DLGAP2: variants seen among roughly 807,000 people sequenced by gnomAD.
DLGAP2 encodes the protein disks large-associated protein 2.
Under a neutral mutation model 100.3 loss-of-function variants are expected in DLGAP2, and 26 were observed. The ratio of observed to expected loss-of-function variants is 0.26; its 90% CI spans 0.19 to 0.36. The LOEUF is 0.36. Ranked by LOEUF, DLGAP2 falls within the 10% of genes least tolerant of loss-of-function variation. DLGAP2 has a pLI of 1.00. For synonymous variants in DLGAP2, 886 were observed against 630.1 expected (o/e 1.41, Z -6.08); for missense variants, 1,858 against 1,453.2 (o/e 1.28, Z -4.53).
At chr8:1,556,607 A>G (rs1801974724) in intron 5 of DLGAP2, among the ~76,000 whole-genome samples, 1 of 152,188 alleles carries the variant, frequency 6.6e-6, no homozygotes, top group South Asian at 2.1e-4. Flanking sequence ...AACCCAAAGT[A>G]CAGCAGGACT....
At chr8:889,666 C>G (rs376316156) in intron 1 of DLGAP2, among the ~76,000 whole-genome samples, 80 of 152,278 alleles carry the variant, frequency 5.3e-4, no homozygotes, top group African/African-American at 1.9e-3. Context: ...CAGCCTGGAG[C>G]TATAGAAATG....
intron 3 of DLGAP2, among the ~76,000 whole-genome samples, chr8:1,288,204 T>C (rs1209611509): frequency 1.4e-5 from 2 of 145,500 alleles, no homozygotes. Flanking sequence ...TGTGTGTGTG[T>C]GTGTGTGTGT....
At chr8:1,638,117 G>C (rs1357237784) in intron 8 of DLGAP2, among the ~76,000 whole-genome samples, 1 of 152,180 alleles carries the variant, frequency 6.6e-6, no homozygotes, top group Non-Finnish European at 1.5e-5. Flanking sequence ...TGTAGTACTT[G>C]CACCTGCAGA....
intron 2 of DLGAP2, among the ~76,000 whole-genome samples, chr8:1,167,997 C>T (rs1427255954): frequency 6.6e-6 from 1 of 151,322 alleles, no homozygotes; most frequent in African/African-American, 2.4e-5. Context: ...CGTCATCTAG[C>T]ATTAGGTATA....
intron 3 of DLGAP2, among the ~76,000 whole-genome samples, chr8:1,413,597 A>C (rs149532206): frequency 2.2e-4 from 33 of 152,370 alleles, no homozygotes; most frequent in African/African-American, 7.7e-4. Flanking sequence ...GAAACATGAG[A>C]TGTTCGAAGG....
At chr8:1,047,922 G>A (rs949092689) in intron 2 of DLGAP2, among the ~76,000 whole-genome samples, 11 of 152,042 alleles carry the variant, frequency 7.2e-5, no homozygotes, top group East Asian at 1.9e-4. Context: ...GTTTTATTCC[G>A]TTGATCTATA....
At chr8:1,028,951 G>T (rs1041977112) in intron 2 of DLGAP2, among the ~76,000 whole-genome samples, 1 of 152,192 alleles carries the variant, frequency 6.6e-6, no homozygotes, top group Non-Finnish European at 1.5e-5. Context: ...CAGGAGGGAC[G>T]TGGGCCCTGA....
At chr8:1,466,534 T>C (rs1421644151) in intron 3 of DLGAP2, among the ~76,000 whole-genome samples, 1 of 147,722 alleles carries the variant, frequency 6.8e-6, no homozygotes, top group Non-Finnish European at 1.5e-5. Flanking sequence ...TGTGTGTGTG[T>C]GTGTGTGTGT....
At chr8:1,533,705 C>G (rs1194227406) in intron 4 of DLGAP2, among the ~76,000 whole-genome samples, 1 of 152,090 alleles carries the variant, frequency 6.6e-6, no homozygotes, top group Non-Finnish European at 1.5e-5. Context: ...TTTCATAAAA[C>G]TTCAAGTTGA....
At chr8:1,300,260 T>C (rs1397887069) in intron 3 of DLGAP2, 1 of 151,314 alleles carries the variant, frequency 6.6e-6, no homozygotes, top group African/African-American at 2.4e-5. Context: ...CACTCACATA[T>C]ATATATACAT....
chr8:1,029,785 C>T (rs991527471), intron 2 of DLGAP2, among the ~76,000 whole-genome samples: 7 of 152,054 alleles, frequency 4.6e-5, no homozygotes, highest in Admixed American at 1.3e-4. Context: ...GCCATGAGCA[C>T]CAAAAATGCG....
chr8:1,240,552 T>C (rs144260893), intron 2 of DLGAP2, among the ~76,000 whole-genome samples: 4,982 of 118,130 alleles, frequency 0.042, 262 homozygotes, highest in African/African-American at 0.14. Context: ...CACATGGCGC[T>C]GTGTCTAGTT....
At chr8:1,329,326 T>C (rs1801095878) in intron 3 of DLGAP2, among the ~76,000 whole-genome samples, 1 of 152,260 alleles carries the variant, frequency 6.6e-6, no homozygotes, top group Non-Finnish European at 1.5e-5. Context: ...CTGAAATTTC[T>C]GGCTGATTGA....
At chr8:1,348,084 G>A (rs1296252806) in intron 3 of DLGAP2, among the ~76,000 whole-genome samples, 3 of 151,584 alleles carry the variant, frequency 2.0e-5, no homozygotes, top group Admixed American at 6.6e-5. Context: ...ACTGTCTGGA[G>A]GCTGAGTTCC....
At chr8:1,595,470 T>C (rs1162415531) in intron 6 of DLGAP2, among the ~76,000 whole-genome samples, 3 of 150,582 alleles carry the variant, frequency 2.0e-5, no homozygotes, top group Admixed American at 2.0e-4. Context: ...GAGACCATCC[T>C]GGCTAACAAG....
chr8:998,446 G>A (rs1402301959), intron 2 of DLGAP2, among the ~76,000 whole-genome samples: 1 of 151,662 alleles, frequency 6.6e-6, no homozygotes, highest in Non-Finnish European at 1.5e-5. Flanking sequence ...GACTACAGGT[G>A]TGAGCCACTA....
At chr8:1,207,977 C>T (rs113738467) in intron 2 of DLGAP2, among the ~76,000 whole-genome samples, 15 of 152,226 alleles carry the variant, frequency 9.9e-5, no homozygotes, top group African/African-American at 3.6e-4. Context: ...TCCTTTGTCA[C>T]ATGCATAGTT....
Position 1,259,259 on chromosome 8 carries a change from C to G in DLGAP2, c.106+376C>G, listed in dbSNP as rs115940690. 5.9e-3 allele frequency among the ~76,000 whole-genome samples: 904 copies of G among 152,288 alleles called. 20 individuals carry two copies. In the East Asian group the frequency reaches 0.07, roughly 12 times the overall value. On this transcript the variant is annotated intron_variant, in intron 3 of 14. Coordinates refer to ENST00000637795, the MANE Select transcript of DLGAP2 (RefSeq NM_001346810.2). ...CAGGCTGAGTCGGATCTGGGAAGCC[C>G]TTCCCGACTGTCGGTGGCTCAGCCT... is the stretch of plus-strand genomic sequence containing the variant.
chr8:894,734 GCA>G, intron 1 of DLGAP2, among the ~76,000 whole-genome samples: 2 of 135,740 alleles, frequency 1.5e-5, no homozygotes, highest in African/African-American at 2.9e-5. Context: ...GGCTGGCAGG[GCA>G]GGGTGGGGAG....
Sources: allele counts gnomAD v4.1 joint callset (sites outside exome capture counted in the v4.1 genomes callset), GRCh38; gene constraint gnomAD v4.1.1; transcripts MANE v1.5; gene names NCBI Gene and HGNC (gene_info 2026-07-23, HGNC 2026-07-21).